FHIT: variants seen among roughly 807,000 people sequenced by gnomAD.
FHIT encodes the protein fragile histidine triad diadenosine triphosphatase, also known as bis(5'-adenosyl)-triphosphatase.
A neutral mutation model predicts 17.9 loss-of-function variants in FHIT; 19 were observed. The observed-to-expected ratio is 1.06, with a 90% confidence interval of 0.74 to 1.56. The LOEUF (loss-of-function observed/expected upper bound fraction) is 1.56. Among genes scored for constraint, FHIT ranks in the 40% most tolerant of loss-of-function variants. The pLI, the probability that FHIT is intolerant of heterozygous loss-of-function variation, is 0.00. For missense variants in FHIT, 248 were observed against 189.2 expected (o/e 1.31, Z -1.82); for synonymous variants, 81 against 69.7 (o/e 1.16, Z -0.81).
intron 1 of FHIT, among the ~76,000 whole-genome samples, chr3:61,242,094 G>A (rs13085356): frequency 0.042 from 6,421 of 152,186 alleles, 234 homozygotes; most frequent in Non-Finnish European, 0.059. Context: ...TTCCTGGACC[G>A]TTGATATAAG....
chr3:59,914,626 G>A (rs1479232415), intron 8 of FHIT, among the ~76,000 whole-genome samples: 1 of 152,016 alleles, frequency 6.6e-6, no homozygotes, highest in Non-Finnish European at 1.5e-5. Context: ...TTTATCTTCT[G>A]TTTCCCCCTA....
At chr3:60,305,876 G>C (rs967194841) in intron 5 of FHIT, among the ~76,000 whole-genome samples, 1 of 152,070 alleles carries the variant, frequency 6.6e-6, no homozygotes, top group African/African-American at 2.4e-5. Flanking sequence ...ACAGTTTTAT[G>C]AAGACGGTTT....
intron 8 of FHIT, among the ~76,000 whole-genome samples, chr3:59,887,244 A>G (rs1397035114): frequency 6.6e-6 from 1 of 152,158 alleles, no homozygotes; most frequent in Non-Finnish European, 1.5e-5. Context: ...AACGAACCAG[A>G]GCAAGAACAG....
At chr3:60,971,507 T>G (rs1221105269) in intron 3 of FHIT, among the ~76,000 whole-genome samples, 1 of 149,174 alleles carries the variant, frequency 6.7e-6, no homozygotes, top group African/African-American at 2.4e-5. Flanking sequence ...TTTAACCTAT[T>G]GATTCTCCCT....
At chr3:60,529,749 T>C (rs1475666272) in intron 5 of FHIT, among the ~76,000 whole-genome samples, 1 of 152,168 alleles carries the variant, frequency 6.6e-6, no homozygotes, top group Non-Finnish European at 1.5e-5. Context: ...TAAATAGAAA[T>C]GGTGAACAGC....
intron 3 of FHIT, among the ~76,000 whole-genome samples, chr3:60,884,170 C>G (rs1410049343): frequency 6.6e-6 from 1 of 152,126 alleles, no homozygotes; most frequent in East Asian, 1.9e-4. Flanking sequence ...GAGATACCAT[C>G]TCACCACAGT....
chr3:60,573,707 T>C (rs1221220515), intron 4 of FHIT, among the ~76,000 whole-genome samples: 1 of 152,202 alleles, frequency 6.6e-6, no homozygotes, highest in Non-Finnish European at 1.5e-5. Context: ...ATGAGTCAAA[T>C]GACTGTCATC....
intron 5 of FHIT, among the ~76,000 whole-genome samples, chr3:60,255,472 T>G (rs1002901227): frequency 5.9e-5 from 9 of 152,140 alleles, no homozygotes; most frequent in South Asian, 4.2e-4. Context: ...TAGTGGGAAC[T>G]GCAGCCAGCC....
chr3:60,616,375 TATG>T (rs1484252932), intron 4 of FHIT, among the ~76,000 whole-genome samples: 1 of 152,200 alleles, frequency 6.6e-6, no homozygotes, highest in Non-Finnish European at 1.5e-5. Context: ...TTTTAATGAT[TATG>T]ATGTGCACAG....
intron 4 of FHIT, among the ~76,000 whole-genome samples, chr3:60,760,597 A>G (rs549536262): frequency 7.0e-6 from 1 of 142,760 alleles, no homozygotes; most frequent in East Asian, 2.0e-4. Flanking sequence ...CGTCAGCTTA[A>G]AACGAAAAGT....
At chr3:60,761,569 TTATCAACATAGA>T (rs1286657590) in intron 4 of FHIT, among the ~76,000 whole-genome samples, 3 of 151,886 alleles carry the variant, frequency 2.0e-5, no homozygotes, top group African/African-American at 7.3e-5. Flanking sequence ...AATCAAGCAA[TTATCAACATAGA>T]TGTTCTAATA....
chr3:61,160,294 CT>C (rs1375925545), intron 2 of FHIT, among the ~76,000 whole-genome samples: 1 of 151,680 alleles, frequency 6.6e-6, no homozygotes, highest in Non-Finnish European at 1.5e-5. Context: ...GAGACCCAAG[CT>C]TTGAAAAACG....
intron 3 of FHIT, among the ~76,000 whole-genome samples, chr3:60,851,047 TC>T (rs1553748119): frequency 6.6e-6 from 1 of 152,100 alleles, no homozygotes; most frequent in South Asian, 2.1e-4. Flanking sequence ...CCAGATCATC[TC>T]CAGGAGGAGG....
At chr3:60,028,107 C>G (rs897306819) in intron 5 of FHIT, among the ~76,000 whole-genome samples, 9 of 152,164 alleles carry the variant, frequency 5.9e-5, no homozygotes, top group Non-Finnish European at 7.3e-5. Flanking sequence ...AGTGGTGGAA[C>G]TGGCACAACT....
intron 4 of FHIT, among the ~76,000 whole-genome samples, chr3:60,722,870 G>A (rs371051867): frequency 6.6e-6 from 1 of 151,902 alleles, no homozygotes. Flanking sequence ...TTACAGGCAG[G>A]AGCCGCCACA....
chr3:60,466,933 G>C (rs189590859), intron 5 of FHIT, among the ~76,000 whole-genome samples: 28 of 151,354 alleles, frequency 1.8e-4, no homozygotes, highest in Non-Finnish European at 2.8e-4. Context: ...TTATGAAACA[G>C]TTTGAGTAGC....
At chr3:61,246,684 G>A (rs575169285) in intron 1 of FHIT, among the ~76,000 whole-genome samples, 8 of 151,890 alleles carry the variant, frequency 5.3e-5, no homozygotes, top group East Asian at 1.9e-4. Flanking sequence ...ATCACACACC[G>A]GGGCCTGTTG....
chr3:60,998,686 G>A (rs6446173), intron 3 of FHIT, among the ~76,000 whole-genome samples: 132,048 of 152,004 alleles, frequency 0.87, 57,617 homozygotes, highest in Middle Eastern at 0.93. Context: ...TTTACCTTTA[G>A]GAACAAACTC....
At chr3:61,132,892 C>T (rs62268788) in intron 2 of FHIT, among the ~76,000 whole-genome samples, 16,702 of 152,152 alleles carry the variant, frequency 0.11, 952 homozygotes, top group African/African-American at 0.12. Flanking sequence ...AGTGAAAGAA[C>T]TCTGGCAGAA....
Sources: allele counts gnomAD v4.1 joint callset (sites outside exome capture counted in the v4.1 genomes callset), GRCh38; gene constraint gnomAD v4.1.1; transcripts MANE v1.5; gene names NCBI Gene and HGNC (gene_info 2026-07-23, HGNC 2026-07-21).